The following FBLN2 variants were observed in gnomAD, a reference collection of about 807,000 sequenced individuals.
The protein encoded by FBLN2 is fibulin 2.
FBLN2 carries 81 observed loss-of-function variants against 123.7 expected under a neutral mutation model. The ratio of observed to expected loss-of-function variants is 0.65; its 90% CI spans 0.55 to 0.79. The LOEUF (loss-of-function observed/expected upper bound fraction) is 0.79, where lower values mean the gene tolerates loss of function less well. FBLN2 is among the 30% of genes least tolerant of loss of function. The pLI, the probability that FBLN2 is intolerant of heterozygous loss-of-function variation, is 0.00. For missense variants in FBLN2, 1,603 were observed against 1,681.3 expected (o/e 0.95, Z 0.81); for synonymous variants, 699 against 701.4 (o/e 1.00, Z 0.05).
chr3:13,578,268 G>A (rs1028341816), intron 2 of FBLN2, among the ~76,000 whole-genome samples: 3 of 152,192 alleles, frequency 2.0e-5, no homozygotes, highest in African/African-American at 7.2e-5. Context: ...AGTAGATTTG[G>A]AGTTGTGCAG....
At chr3:13,574,276 C>T (rs529931668) in intron 2 of FBLN2, among the ~76,000 whole-genome samples, 1 of 152,330 alleles carries the variant, frequency 6.6e-6, no homozygotes, top group South Asian at 2.1e-4. Flanking sequence ...TTCCTGGGGC[C>T]ACAGGCTGTG....
In FBLN2 at chr3:13,571,647, G is replaced by C; in HGVS notation, c.1292G>C (p.Arg431Thr). Reference protein sequence around the residue: ...TDPNSVHSIPRSSPEGSTKDL... With the variant: ...TDPNSVHSIPTSSPEGSTKDL... ...CCCAACTCTGTCCATTCTATCCCCAGAAGTAGCCCTGAAGGTAAGACCCTG... is the reference window on the plus strand; with the variant it reads ...CCCAACTCTGTCCATTCTATCCCCACAAGTAGCCCTGAAGGTAAGACCCTG... Residue 431 changes from arginine to threonine, a missense_variant, in exon 2 of 18, where the codon AGA (arginine) becomes ACA (threonine). Transcript: ENST00000404922. The C allele has an allele frequency of 6.3e-7, 1 of 1,598,510 alleles. No individual in the cohort carries two copies. Among genetic ancestry groups the C allele is most frequent in the South Asian group, 1.1e-5 (1 of 87,650 alleles).
At chr3:13,575,459 T>C (rs1704105615) in intron 2 of FBLN2, among the ~76,000 whole-genome samples, 1 of 152,074 alleles carries the variant, frequency 6.6e-6, no homozygotes, top group Non-Finnish European at 1.5e-5. Flanking sequence ...CTAACTCTGG[T>C]CTCTGGGCCT....
At chr3:13,625,988 A>G (rs879377615) in intron 9 of FBLN2, among the ~76,000 whole-genome samples, 1 of 151,634 alleles carries the variant, frequency 6.6e-6, no homozygotes, top group Admixed American at 6.6e-5. Flanking sequence ...CCAGTCTGTC[A>G]TCTTGTCACA....
intron 2 of FBLN2, among the ~76,000 whole-genome samples, chr3:13,599,506 C>T (rs1348195426): frequency 1.3e-5 from 2 of 151,924 alleles, no homozygotes; most frequent in African/African-American, 4.8e-5. Flanking sequence ...GTGGAGACCA[C>T]GGGGGGTCAT....
At chr3:13,571,764 C>A in intron 2 of FBLN2, 103 bp downstream of exon 2, 1 of 1,330,388 alleles carries the variant, frequency 7.5e-7, no homozygotes, top group Non-Finnish European at 9.9e-7. Context: ...GGATGCTGGA[C>A]TGTGGGGCCA....
chr3:13,551,903 G>A (rs1703334035), intron 1 of FBLN2, among the ~76,000 whole-genome samples: 1 of 149,518 alleles, frequency 6.7e-6, no homozygotes, highest in South Asian at 2.1e-4. Flanking sequence ...GGAGTGCAGT[G>A]GTGTGATCAC....
intron 1 of FBLN2, among the ~76,000 whole-genome samples, chr3:13,554,714 G>A (rs906271874): frequency 2.0e-5 from 3 of 152,062 alleles, no homozygotes; most frequent in African/African-American, 7.2e-5. Flanking sequence ...GCATCCCAGG[G>A]GCCCTGATGG....
chr3:13,573,996 C>T lies in FBLN2; in HGVS notation c.1306+2335C>T, dbSNP rs553715243. 9.2e-5 allele frequency among the ~76,000 whole-genome samples: 14 copies of T among 152,138 alleles called. No homozygotes were observed. The South Asian group carries it at 1.0e-3, about 11-fold the overall frequency. Reference sequence around the variant, plus strand: ...CCACCACTTTCTGCCCCTGTGTCCACAGGCGGTGGCCTGAGCTCCCTGTAG... The same window carrying T: ...CCACCACTTTCTGCCCCTGTGTCCATAGGCGGTGGCCTGAGCTCCCTGTAG... On this transcript the variant is annotated intron_variant, in intron 2 of 17. Transcript: ENST00000404922.
chr3:13,556,291 C>T (rs1382136030), intron 1 of FBLN2, among the ~76,000 whole-genome samples: 3 of 151,926 alleles, frequency 2.0e-5, no homozygotes, highest in Non-Finnish European at 2.9e-5. Flanking sequence ...CACGTGGCTG[C>T]CTTCTTGCTG....
At chr3:13,625,052 T>C (rs955271100) in intron 9 of FBLN2, among the ~76,000 whole-genome samples, 1 of 150,134 alleles carries the variant, frequency 6.7e-6, no homozygotes, top group Non-Finnish European at 1.5e-5. Context: ...TGGTGGCCTC[T>C]GTGGCCCCGG....
At chr3:13,636,722 A>G (rs1163974016) in intron 17 of FBLN2, among the ~76,000 whole-genome samples, 154 bp downstream of exon 17, 1 of 152,190 alleles carries the variant, frequency 6.6e-6, no homozygotes, top group East Asian at 1.9e-4. Context: ...CAAAACAAAT[A>G]TAAGTAGCTT....
At chr3:13,557,185 C>T (rs766544291) in intron 1 of FBLN2, among the ~76,000 whole-genome samples, 26 of 152,176 alleles carry the variant, frequency 1.7e-4, no homozygotes, top group Admixed American at 9.8e-4. Flanking sequence ...GGAGGTCATG[C>T]GTTGATGTGG....
At chr3:13,580,046 C>T (rs1218721963) in intron 2 of FBLN2, among the ~76,000 whole-genome samples, 2 of 152,148 alleles carry the variant, frequency 1.3e-5, no homozygotes, top group South Asian at 2.1e-4. Context: ...CGTGCCATTG[C>T]GTGTATCGGG....
At chr3:13,609,692 G>GGGGGGGGGGGGGC in intron 4 of FBLN2, 50 bp downstream of exon 4, 4 of 508,392 alleles carry the variant, frequency 7.9e-6, no homozygotes, top group Non-Finnish European at 1.1e-5. Context: ...GGCGGGGCGG[G>GGGGGGGGGGGGGC]AGGCTGGCCT....
At chr3:13,590,183 T>C (rs893947423) in intron 2 of FBLN2, among the ~76,000 whole-genome samples, 1 of 152,032 alleles carries the variant, frequency 6.6e-6, no homozygotes, top group African/African-American at 2.4e-5. Context: ...TTATTTTTTA[T>C]TTTTTTGTAG....
chr3:13,614,576 GTCCA>G (rs747826390), intron 5 of FBLN2, among the ~76,000 whole-genome samples: 57 of 142,914 alleles, frequency 4.0e-4, no homozygotes, highest in African/African-American at 5.5e-4. Flanking sequence ...CCCATCATCT[GTCCA>G]TCCATCCATC....
chr3:13,579,112 C>T (rs1211298241), intron 2 of FBLN2, among the ~76,000 whole-genome samples: 3 of 152,174 alleles, frequency 2.0e-5, no homozygotes, highest in Admixed American at 2.0e-4. Context: ...TTTACATTCC[C>T]ACCGGCAGTG....
chr3:13,598,433 C>T (rs1704918379), intron 2 of FBLN2, among the ~76,000 whole-genome samples: 3 of 152,190 alleles, frequency 2.0e-5, no homozygotes, highest in Admixed American at 6.5e-5. Flanking sequence ...GAAGGACATG[C>T]CTGTGCTCAT....
Sources: allele counts gnomAD v4.1 joint callset (sites outside exome capture counted in the v4.1 genomes callset), GRCh38; gene constraint gnomAD v4.1.1; transcripts MANE v1.5; gene names NCBI Gene and HGNC (gene_info 2026-07-23, HGNC 2026-07-21).